Variants in SGCZ observed in about 807,000 individuals in gnomAD.
SGCZ encodes the protein zeta-sarcoglycan.
SGCZ carries 40 observed loss-of-function variants against 41.3 expected under a neutral mutation model. That is an observed-to-expected ratio of 0.97 (90% confidence interval 0.75 to 1.26). SGCZ has a LOEUF of 1.26. Ranked by LOEUF, SGCZ falls within the 50% of genes most tolerant of loss-of-function variation. The probability of loss-of-function intolerance (pLI) is 0.00; values close to 1 mark genes in which losing one functional copy is unlikely to be tolerated. For missense variants in SGCZ, 552 were observed against 369.8 expected (o/e 1.49, Z -4.04); for synonymous variants, 206 against 137.5 (o/e 1.50, Z -3.49).
At chr8:14,701,978 C>T (rs967581271) in intron 1 of SGCZ, among the ~76,000 whole-genome samples, 1 of 151,908 alleles carries the variant, frequency 6.6e-6, no homozygotes, top group Admixed American at 6.6e-5. Context: ...ATTATGTCCT[C>T]CTCTTAAAGG....
At chr8:14,381,876 T>A (rs1804379972) in intron 2 of SGCZ, among the ~76,000 whole-genome samples, 1 of 152,184 alleles carries the variant, frequency 6.6e-6, no homozygotes, top group African/African-American at 2.4e-5. Context: ...TTCACAGTCA[T>A]CTTTCCCTCA....
At chr8:14,144,298 A>G (rs943210583) in intron 5 of SGCZ, among the ~76,000 whole-genome samples, 2 of 152,176 alleles carry the variant, frequency 1.3e-5, no homozygotes, top group African/African-American at 4.8e-5. Flanking sequence ...TCACAGCAAG[A>G]TAAGTCATAG....
intron 5 of SGCZ, among the ~76,000 whole-genome samples, chr8:14,161,530 A>T (rs1374726842): frequency 2.0e-5 from 3 of 152,174 alleles, no homozygotes; most frequent in Non-Finnish European, 4.4e-5. Flanking sequence ...GATTACCAAT[A>T]TTCACCCTAT....
chr8:14,257,772 G>A (rs538472460), intron 3 of SGCZ, among the ~76,000 whole-genome samples: 51 of 152,072 alleles, frequency 3.4e-4, no homozygotes, highest in South Asian at 1.0e-3. Flanking sequence ...TGAGAATTTT[G>A]CAGCATTTTA....
At chr8:15,046,873 A>T (rs1055069487) in intron 1 of SGCZ, among the ~76,000 whole-genome samples, 1 of 152,056 alleles carries the variant, frequency 6.6e-6, no homozygotes, top group African/African-American at 2.4e-5. Flanking sequence ...ACAGTGAGAA[A>T]ATATGTCTCC....
chr8:14,995,269 A>G (rs1356836250), intron 1 of SGCZ, among the ~76,000 whole-genome samples: 2 of 152,258 alleles, frequency 1.3e-5, no homozygotes, highest in Admixed American at 1.3e-4. Flanking sequence ...ATGGGAGACA[A>G]GAGACAAAGA....
At chr8:14,327,816 C>G (rs1439698556) in intron 2 of SGCZ, among the ~76,000 whole-genome samples, 3 of 152,172 alleles carry the variant, frequency 2.0e-5, no homozygotes, top group African/African-American at 4.8e-5. Context: ...GAGTCTCGCT[C>G]TTTCGCCAGG....
intron 2 of SGCZ, among the ~76,000 whole-genome samples, chr8:14,449,929 TAACAATATA>T (rs1264639658): frequency 5.7e-4 from 87 of 152,228 alleles, no homozygotes; most frequent in African/African-American, 2.1e-3. Flanking sequence ...GTACAAAACT[TAACAATATA>T]GACAATATAA....
At chr8:14,729,422 C>A (rs1369265273) in intron 1 of SGCZ, among the ~76,000 whole-genome samples, 4 of 152,114 alleles carry the variant, frequency 2.6e-5, no homozygotes, top group African/African-American at 7.2e-5. Context: ...AAGACAGGAC[C>A]TTTTAAAGAG....
chr8:14,191,708 G>A (rs905421527), intron 4 of SGCZ, among the ~76,000 whole-genome samples: 2 of 152,090 alleles, frequency 1.3e-5, no homozygotes, highest in East Asian at 1.9e-4. Context: ...GGTAAAAATC[G>A]TAAAGAGAAG....
At chr8:14,539,739 C>G (rs12547357) in intron 2 of SGCZ, among the ~76,000 whole-genome samples, 44,038 of 151,708 alleles carry the variant, frequency 0.29, 6,723 homozygotes, top group East Asian at 0.4. Flanking sequence ...TTGTTCCCCT[C>G]TATGTGTCCA....
intron 1 of SGCZ, among the ~76,000 whole-genome samples, chr8:14,616,548 A>G (rs1806112560): frequency 6.6e-6 from 1 of 152,168 alleles, no homozygotes; most frequent in Non-Finnish European, 1.5e-5. Context: ...TAAATTTTAT[A>G]TGATTCATAA....
intron 4 of SGCZ, among the ~76,000 whole-genome samples, chr8:14,219,636 T>C (rs1187728525): frequency 6.6e-6 from 1 of 152,064 alleles, no homozygotes; most frequent in Non-Finnish European, 1.5e-5. Flanking sequence ...AGTCCCAACT[T>C]TTCGGGAAGC....
intron 1 of SGCZ, among the ~76,000 whole-genome samples, chr8:15,159,611 C>G (rs1309617473): frequency 2.0e-5 from 3 of 152,106 alleles, no homozygotes; most frequent in Non-Finnish European, 2.9e-5. Flanking sequence ...TGGGCAACCT[C>G]TCCCATATAT....
At chr8:15,065,618 C>T (rs1429785272) in intron 1 of SGCZ, among the ~76,000 whole-genome samples, 4 of 151,530 alleles carry the variant, frequency 2.6e-5, no homozygotes, top group Admixed American at 6.6e-5. Flanking sequence ...TTTGTATTTT[C>T]GGTAGAGACA....
At chr8:14,355,583 G>A (rs974256239) in intron 2 of SGCZ, among the ~76,000 whole-genome samples, 10 of 151,842 alleles carry the variant, frequency 6.6e-5, no homozygotes, top group African/African-American at 2.2e-4. Context: ...CATTCTGCTT[G>A]ACAGAGTTAA....
At chr8:14,999,026 T>C (rs899529827) in intron 1 of SGCZ, among the ~76,000 whole-genome samples, 1 of 152,172 alleles carries the variant, frequency 6.6e-6, no homozygotes, top group African/African-American at 2.4e-5. Context: ...TACCCACACT[T>C]AGGGGTGTTG....
intron 1 of SGCZ, among the ~76,000 whole-genome samples, chr8:15,236,919 C>T (rs747959534): frequency 6.6e-6 from 1 of 152,106 alleles, no homozygotes; most frequent in Admixed American, 6.5e-5. Flanking sequence ...CGCCCCCTGC[C>T]CGAGTCCCCG....
rs116451044 is a variant in SGCZ at position 14,648,085 on chromosome 8, A to T, written c.40-93159T>A. ...GAAGGATTTGACAGGGAGTGACCTA[A>T]GCAGGCAAAAACTCCAATTCCACAG... On this transcript the variant is annotated intron_variant, in intron 1 of 7. Coordinates refer to ENST00000382080, the MANE Select transcript of SGCZ (RefSeq NM_139167.4). 9.6e-3 allele frequency among the ~76,000 whole-genome samples: 1,460 copies of T among 151,902 alleles called. 30 individuals carry two copies. Among genetic ancestry groups the T allele is most frequent in the African/African-American group, 0.034 (1,413 of 41,300 alleles).
Sources: gnomAD v4.1 joint callset for allele counts (sites outside exome capture counted in the v4.1 genomes callset) on GRCh38, gnomAD v4.1.1 for gene constraint, MANE v1.5 for transcripts, NCBI Gene and HGNC (gene_info 2026-07-23, HGNC 2026-07-21) for gene names.